Variants in ACOT7 observed in about 807,000 individuals in gnomAD.
ACOT7 encodes acyl-CoA thioesterase 7, also known as cytosolic acyl coenzyme A thioester hydrolase.
ACOT7 carries 12 observed loss-of-function variants against 40.2 expected under a neutral mutation model. That is an observed-to-expected ratio of 0.30 (90% confidence interval 0.19 to 0.48). The LOEUF (loss-of-function observed/expected upper bound fraction) is 0.48. ACOT7 is among the 20% of genes least tolerant of loss of function. The probability of loss-of-function intolerance (pLI) is 0.99; values close to 1 mark genes in which losing one functional copy is unlikely to be tolerated. For missense variants in ACOT7, 395 were observed against 530.8 expected (o/e 0.74, Z 2.51); for synonymous variants, 228 against 219.5 (o/e 1.04, Z -0.34).
In ACOT7 at chr1:6,296,147, C is replaced by T. The variant is rs11806997; in HGVS notation, c.713-1167G>A. Among the ~76,000 whole-genome samples the T allele has an allele frequency of 1.1e-3, 170 of 152,134 alleles. 1 individual carries two copies. Among genetic ancestry groups the T allele is most frequent in the African/African-American group, 3.9e-3 (162 of 41,518 alleles). ...CTGGACTGAAACGATCTGCCCACCT[C>T]ACCTCCCAAAGTGCTGGGATTACAG... On this transcript the variant is annotated intron_variant, in intron 6 of 8. Coordinates refer to ENST00000361521, the MANE Select transcript of ACOT7 (RefSeq NM_007274.4).
At chr1:6,292,965 C>G (rs1437744707) in intron 7 of ACOT7, among the ~76,000 whole-genome samples, 2 of 150,450 alleles carry the variant, frequency 1.3e-5, no homozygotes, top group African/African-American at 4.9e-5. Flanking sequence ...TCTCGGCTCA[C>G]TGCAAGCTCC....
chr1:6,295,127 C>A, intron 6 of ACOT7, 147 bp from the exon 7 acceptor site: 1 of 578,810 alleles, frequency 1.7e-6, no homozygotes, highest in Non-Finnish European at 3.1e-6. Context: ...TGCTCGGCCG[C>A]ACGTGCTGTG....
intron 1 of ACOT7, among the ~76,000 whole-genome samples, chr1:6,390,842 G>A (rs1248221754): frequency 2.7e-5 from 4 of 150,028 alleles, no homozygotes; most frequent in African/African-American, 9.8e-5. Flanking sequence ...AGGCTGAGGT[G>A]GAAGAATCGC....
chr1:6,264,480 G>T lies in ACOT7; in HGVS notation c.*117C>A. ...TTAACACTGTGATACGAAAACTTCAGACAACACCAGCTCTCAATGTGAATT... is the reference window on the plus strand; with the variant it reads ...TTAACACTGTGATACGAAAACTTCATACAACACCAGCTCTCAATGTGAATT... On this transcript the variant is annotated 3_prime_UTR_variant, in exon 9 of 9. Coordinates refer to ENST00000361521, the MANE Select transcript of ACOT7 (RefSeq NM_007274.4). The T allele has an allele frequency of 1.1e-6, 1 of 918,888 alleles. No individual in the cohort carries two copies. Among genetic ancestry groups the T allele is most frequent in the Non-Finnish European group, 1.6e-6 (1 of 615,340 alleles). 56.9% of individuals were successfully genotyped at this position (918,888 alleles called of 1,614,324 possible).
At chr1:6,339,811 C>T (rs1641216446) in intron 2 of ACOT7, among the ~76,000 whole-genome samples, 1 of 149,102 alleles carries the variant, frequency 6.7e-6, no homozygotes, top group Non-Finnish European at 1.5e-5. Flanking sequence ...AAGATCTCAG[C>T]TCACTGCAAG....
At chr1:6,269,949 T>C (rs998332904) in intron 8 of ACOT7, among the ~76,000 whole-genome samples, 2 of 152,208 alleles carry the variant, frequency 1.3e-5, no homozygotes, top group South Asian at 4.1e-4. Context: ...TGAAGGTTTA[T>C]GAAGATGGCA....
intron 5 of ACOT7, among the ~76,000 whole-genome samples, chr1:6,322,367 G>A (rs1190643885): frequency 2.0e-5 from 3 of 152,212 alleles, no homozygotes; most frequent in African/African-American, 7.2e-5. Flanking sequence ...CCCAGGGCAG[G>A]AATGAGGAAA....
Position 6,327,293 on chromosome 1 carries a change from T to A in ACOT7, c.625+6A>T. 6.2e-7 allele frequency: 1 copy of A among 1,614,084 alleles called. No homozygotes were observed. The highest frequency in any genetic ancestry group is 8.5e-7 in the Non-Finnish European group (1 of 1,179,974). ...GGCACCTGCTGCTGGTGTCCGCGGC[T>A]CTTACCTGGGTTGAGGACTGGCTGG... On this transcript the variant is annotated splice_donor_region_variant and intron_variant, in intron 5 of 8. Coordinates refer to ENST00000361521, the MANE Select transcript of ACOT7 (RefSeq NM_007274.4).
At chr1:6,386,111 T>G (rs1642436852) in intron 1 of ACOT7, among the ~76,000 whole-genome samples, 1 of 151,828 alleles carries the variant, frequency 6.6e-6, no homozygotes, top group Non-Finnish European at 1.5e-5. Flanking sequence ...GGCAGAGAGG[T>G]CTTGGCTCAC....
intron 1 of ACOT7, among the ~76,000 whole-genome samples, chr1:6,373,493 C>T (rs1206025396): frequency 6.6e-6 from 1 of 151,922 alleles, no homozygotes; most frequent in Admixed American, 6.6e-5. Flanking sequence ...TCAGGTGATC[C>T]GCCTGCCTCG....
chr1:6,306,818 G>A lies in ACOT7; in HGVS notation c.712+11674C>T. ...AGCAGTGGGGGCTCCGGCCAAACAA[G>A]GTCACGGAATTGGAAAAGAGTAACT... On this transcript the variant is annotated intron_variant, in intron 6 of 8. Coordinates refer to ENST00000361521, the MANE Select transcript of ACOT7 (RefSeq NM_007274.4). The surrounding 1 kb of genome is among the most constrained non-coding windows in gnomAD (Gnocchi z 4.3). 1 of 1,289,046 alleles carries A rather than the reference G, an allele frequency of 7.8e-7. No individual in the cohort carries two copies. The highest frequency in any genetic ancestry group is 1.0e-6 in the Non-Finnish European group (1 of 988,620). The allele number at this position is 1,289,046 out of a possible 1,614,324, so 79.9% of individuals were successfully genotyped here. A position where few individuals can be genotyped will look rare whatever the true frequency, so the allele number is the denominator to read the frequency against.
In ACOT7 at chr1:6,294,850, A is replaced by G. The variant is rs377671061; in HGVS notation, c.829+14T>C. On this transcript the variant is annotated intron_variant, in intron 7 of 8. Transcript: ENST00000361521. The surrounding 1 kb of genome is among the most constrained non-coding windows in gnomAD (Gnocchi z 4.6). Reference sequence around the variant, plus strand: ...GGCCACTGCCTCCCTCGTCTTTGCCAGAAGAGTGGTTACCTTTTCTGATCT... The same window carrying G: ...GGCCACTGCCTCCCTCGTCTTTGCCGGAAGAGTGGTTACCTTTTCTGATCT... 1.9e-6 allele frequency: 3 copies of G among 1,611,106 alleles called. No individual in the cohort carries two copies. The highest frequency in any genetic ancestry group is 2.5e-6 in the Non-Finnish European group (3 of 1,177,480).
At chr1:6,281,352 G>T in intron 7 of ACOT7, 66 bp from the exon 8 acceptor site, 1 of 1,457,844 alleles carries the variant, frequency 6.9e-7, no homozygotes, top group Non-Finnish European at 9.6e-7. Flanking sequence ...GGACACTGGC[G>T]TTTCTGTGGT....
At chr1:6,312,851 A>T (rs12401604) in intron 6 of ACOT7, among the ~76,000 whole-genome samples, 21,846 of 152,122 alleles carry the variant, frequency 0.14, 1,668 homozygotes, top group African/African-American at 0.19. Context: ...TACCCAAAAA[A>T]TTTTTTAAAA....
chr1:6,305,553 G>C (rs1442097376), intron 6 of ACOT7, among the ~76,000 whole-genome samples: 4 of 150,116 alleles, frequency 2.7e-5, no homozygotes, highest in African/African-American at 9.9e-5. Context: ...CTTCTCAGAC[G>C]GGGCGGCCGG....
rs553811060 is a variant in ACOT7 at position 6,333,656 on chromosome 1, G to A, written c.419-88C>T. The A allele has an allele frequency of 3.1e-4, 414 of 1,319,682 alleles. 1 individual carries two copies. Among genetic ancestry groups the A allele is most frequent in the African/African-American group, 8.7e-5 (6 of 69,258 alleles). The allele number at this position is 1,319,682 out of a possible 1,614,324, so 81.7% of individuals were successfully genotyped here. A position where few individuals can be genotyped will look rare whatever the true frequency, so the allele number is the denominator to read the frequency against. ...GGCACGTGGCAGGTGCTGCTCCAGC[G>A]CCCGGTCCCAGTACCTGAAACACAC... On this transcript the variant is annotated intron_variant, in intron 3 of 8. Coordinates refer to ENST00000361521, the MANE Select transcript of ACOT7 (RefSeq NM_007274.4).
chr1:6,370,504 A>T (rs1007526736), intron 1 of ACOT7, among the ~76,000 whole-genome samples: 3 of 136,744 alleles, frequency 2.2e-5, no homozygotes, highest in Non-Finnish European at 4.7e-5. Context: ...TATTATTATT[A>T]TTTGAAATGG....
At chr1:6,316,537 C>T (rs1487870007) in intron 6 of ACOT7, among the ~76,000 whole-genome samples, 2 of 152,224 alleles carry the variant, frequency 1.3e-5, no homozygotes, top group African/African-American at 4.8e-5. Flanking sequence ...GGGCCGGGCG[C>T]GGTGGCTCAC....
In ACOT7 at chr1:6,322,557, T is replaced by TCAG. The variant is rs142537562; in HGVS notation, c.626-3982_626-3980dup. Among the ~76,000 whole-genome samples, 1,069 of 152,340 alleles carry TCAG rather than the reference T, an allele frequency of 7.0e-3. 15 individuals are homozygous for TCAG. Among genetic ancestry groups the TCAG allele is most frequent in the African/African-American group, 0.025 (1,020 of 41,568 alleles). On this transcript the variant is annotated intron_variant, in intron 5 of 8. Transcript: ENST00000361521. ...AGGCTGGAAGTCCCAGGTCAAGGTA[T>TCAG]CAGCAGCTGGCTCTTCCTGAGGCCT... is the stretch of plus-strand genomic sequence containing the variant.
Sources: allele counts gnomAD v4.1 joint callset (sites outside exome capture counted in the v4.1 genomes callset), GRCh38; gene constraint gnomAD v4.1.1; non-coding constraint Gnocchi (gnomAD v3.1); transcripts MANE v1.5; gene names NCBI Gene and HGNC (gene_info 2026-07-23, HGNC 2026-07-21).